EPHA3: variants seen among roughly 807,000 people sequenced by gnomAD.
EPHA3 encodes the protein EPH receptor A3, also known as ephrin type-A receptor 3.
EPHA3 carries 42 observed loss-of-function variants against 107.1 expected under a neutral mutation model. The observed-to-expected ratio is 0.39, with a 90% CI of 0.31 to 0.51. The LOEUF (loss-of-function observed/expected upper bound fraction) is 0.51. Among genes scored for constraint, EPHA3 ranks in the 20% least tolerant of loss-of-function variants. EPHA3 has a pLI of 0.78. For synonymous variants in EPHA3, 461 were observed against 424.8 expected (o/e 1.09, Z -1.05); for missense variants, 1,183 against 1,211.2 (o/e 0.98, Z 0.35).
At chr3:89,399,605 A>G in intron 7 of EPHA3, 125 bp downstream of exon 7, 2 of 1,420,728 alleles carry the variant, frequency 1.4e-6, no homozygotes, top group Non-Finnish European at 9.3e-7. Flanking sequence ...ATTGCTTGGG[A>G]CATTGCAATT....
Position 89,399,457 on chromosome 3 carries a change from T to G in EPHA3, c.1571T>G (p.Phe524Cys), listed in dbSNP as rs1288766137. The G allele has an allele frequency of 6.2e-7, 1 of 1,613,992 alleles. No homozygotes were observed. The highest frequency in any genetic ancestry group is 1.1e-5 in the South Asian group (1 of 91,090). The stretch of plus-strand genomic sequence containing the variant: ...GGATATGGGACGAACAGCCGCAAGT[T>G]TGAGTTTGAAACTAGTCCAGACTGT... ...AAGYGTNSRKFEFETSPDSFS... is the reference protein window; with the variant it reads ...AAGYGTNSRKCEFETSPDSFS... Residue 524 changes from phenylalanine (F) to cysteine (C), a missense_variant, in exon 7 of 17, where the codon TTT (phenylalanine) becomes TGT (cysteine). By Grantham distance (205) the Phe-to-Cys change is radical (BLOSUM62 -2). Transcript: ENST00000336596.
At chr3:89,193,737 T>C (rs557872722) in intron 2 of EPHA3, among the ~76,000 whole-genome samples, 5 of 152,022 alleles carry the variant, frequency 3.3e-5, no homozygotes, top group Non-Finnish European at 7.4e-5. Flanking sequence ...TTTTAAATGA[T>C]ATTGAATAAA....
At chr3:89,456,390 A>G (rs935539097) in intron 15 of EPHA3, among the ~76,000 whole-genome samples, 6 of 152,050 alleles carry the variant, frequency 3.9e-5, no homozygotes, top group African/African-American at 1.4e-4. Context: ...TTCTGATAGA[A>G]ATGATGTTTC....
chr3:89,344,563 G>A (rs1707599624), intron 5 of EPHA3, among the ~76,000 whole-genome samples: 1 of 152,158 alleles, frequency 6.6e-6, no homozygotes, highest in Non-Finnish European at 1.5e-5. Flanking sequence ...TGCCTTTTCT[G>A]AAGGGAGTGT....
intron 3 of EPHA3, among the ~76,000 whole-genome samples, chr3:89,295,881 C>A (rs1706340786): frequency 6.6e-6 from 1 of 152,150 alleles, no homozygotes; most frequent in East Asian, 1.9e-4. Context: ...TGACCCACCA[C>A]ACCCGACCTC....
intron 3 of EPHA3, among the ~76,000 whole-genome samples, chr3:89,311,790 A>G (rs1706772345): frequency 6.6e-6 from 1 of 152,068 alleles, no homozygotes; most frequent in Non-Finnish European, 1.5e-5. Flanking sequence ...CCTCAAGCGT[A>G]TGTTTCCTTG....
intron 5 of EPHA3, among the ~76,000 whole-genome samples, chr3:89,372,291 C>T (rs1356774662): frequency 6.6e-6 from 1 of 151,582 alleles, no homozygotes; most frequent in East Asian, 2.0e-4. Context: ...GAAGAGGCTT[C>T]ATATACAAAT....
At chr3:89,157,547 T>C (rs1045399338) in intron 2 of EPHA3, among the ~76,000 whole-genome samples, 6 of 151,764 alleles carry the variant, frequency 4.0e-5, no homozygotes, top group African/African-American at 1.5e-4. Context: ...TCCTGGAACA[T>C]GTGCTTAAGT....
chr3:89,188,857 T>C (rs573648063), intron 2 of EPHA3, among the ~76,000 whole-genome samples: 3 of 152,314 alleles, frequency 2.0e-5, no homozygotes, highest in Non-Finnish European at 2.9e-5. Flanking sequence ...CACTATCTGT[T>C]CTCTTTTTCC....
In EPHA3 at chr3:89,351,692, C is replaced by T. The variant is rs911859569; in HGVS notation, c.1306+9602C>T. On this transcript the variant is annotated intron_variant, in intron 5 of 16. Coordinates refer to ENST00000336596, the MANE Select transcript of EPHA3 (RefSeq NM_005233.6). ...TTTCTTAAAAACAATAATGCTTTTA[C>T]ATAGTCTCAATATATTTATTAAAAT... is the stretch of plus-strand genomic sequence containing the variant. Among the ~76,000 whole-genome samples the T allele has an allele frequency of 8.6e-5, 13 of 151,252 alleles. 1 individual carries two copies. The highest frequency in any genetic ancestry group is 3.1e-4 in the African/African-American group (13 of 41,358).
chr3:89,237,190 C>T (rs892369328), intron 3 of EPHA3, among the ~76,000 whole-genome samples: 4 of 152,100 alleles, frequency 2.6e-5, no homozygotes, highest in African/African-American at 4.8e-5. Context: ...GCCAACAGGG[C>T]AAAACCCTGT....
rs143818531 is a variant in EPHA3 at position 89,170,022 on chromosome 3, G to C, written c.154-39838G>C. Among the ~76,000 whole-genome samples, 7 of 152,190 alleles carry C rather than the reference G, an allele frequency of 4.6e-5. No homozygotes were observed. In the East Asian group the frequency reaches 1.4e-3, roughly 30 times the overall value. The stretch of plus-strand genomic sequence containing the variant: ...CCAGCACTTTGGGAGGCCGAGGCGG[G>C]TAGATCACGAGGTCAGGGGATCGAG... On this transcript the variant is annotated intron_variant, in intron 2 of 16. Transcript: ENST00000336596.
At chr3:89,340,596 C>T (rs1290100513) in intron 3 of EPHA3, among the ~76,000 whole-genome samples, 1 of 152,166 alleles carries the variant, frequency 6.6e-6, no homozygotes, top group African/African-American at 2.4e-5. Flanking sequence ...TACATGGTGA[C>T]ATGGTTTTGC....
chr3:89,284,962 C>T (rs1445387232), intron 3 of EPHA3, among the ~76,000 whole-genome samples: 1 of 152,014 alleles, frequency 6.6e-6, no homozygotes, highest in Non-Finnish European at 1.5e-5. Flanking sequence ...CCCATTTCTA[C>T]TAAAAATACT....
intron 7 of EPHA3, 147 bp downstream of exon 7, chr3:89,399,627 G>T: frequency 6.5e-6 from 9 of 1,388,272 alleles, no homozygotes; most frequent in South Asian, 5.5e-5. Context: ...GCAGAGCCCT[G>T]TGTCTGTATA....
chr3:89,203,340 C>A (rs868429918), intron 2 of EPHA3, among the ~76,000 whole-genome samples: 1,594 of 132,030 alleles, frequency 0.012, 24 homozygotes, highest in African/African-American at 0.041. Flanking sequence ...AAAAACAAAA[C>A]AAAACAAAAC....
At chr3:89,154,156 T>G (rs1183122573) in intron 2 of EPHA3, among the ~76,000 whole-genome samples, 1 of 152,060 alleles carries the variant, frequency 6.6e-6, no homozygotes, top group African/African-American at 2.4e-5. Context: ...AATTATCATC[T>G]TCTAATATTC....
chr3:89,415,830 T>C (rs1451567305), intron 10 of EPHA3, among the ~76,000 whole-genome samples: 1 of 151,476 alleles, frequency 6.6e-6, no homozygotes, highest in Non-Finnish European at 1.5e-5. Context: ...TTATCTCCAT[T>C]TCAGCACGTG....
chr3:89,367,771 AT>A (rs58625894), intron 5 of EPHA3, among the ~76,000 whole-genome samples: 2,322 of 150,656 alleles, frequency 0.015, 63 homozygotes, highest in African/African-American at 0.053. Flanking sequence ...TGTGTTTAAA[AT>A]TTTTTAATTC....
Sources: allele counts gnomAD v4.1 joint callset (sites outside exome capture counted in the v4.1 genomes callset), GRCh38; gene constraint gnomAD v4.1.1; transcripts MANE v1.5; gene names NCBI Gene and HGNC (gene_info 2026-07-23, HGNC 2026-07-21).